Variants in CEACAM4 observed in about 807,000 individuals in gnomAD.
CEACAM4 encodes the protein cell adhesion molecule CEACAM4.
In CEACAM4, 30 loss-of-function variants were observed where a neutral mutation model predicts 28.7. The ratio of observed to expected loss-of-function variants is 1.05; its 90% CI spans 0.78 to 1.42. The LOEUF (loss-of-function observed/expected upper bound fraction) is 1.42. CEACAM4 is among the 40% of genes most tolerant of loss of function. The probability of loss-of-function intolerance (pLI) is 0.00; values close to 1 mark genes in which losing one functional copy is unlikely to be tolerated. For missense variants in CEACAM4, 330 were observed against 308.2 expected (o/e 1.07, Z -0.53); for synonymous variants, 143 against 126.5 (o/e 1.13, Z -0.87).
Position 41,620,539 on chromosome 19 carries a change from T to G in CEACAM4, c.595+36A>C, listed in dbSNP as rs530605187. The G allele has an allele frequency of 9.4e-6, 15 of 1,592,324 alleles. 1 individual carries two copies. In the South Asian group the frequency reaches 1.4e-4, roughly 15 times the overall value. ...AGGAGTGGACACCGTAGGGCAGGCC[T>G]AGGGGCTCCCACACCTGGGCTGAAG... On this transcript the variant is annotated intron_variant, in intron 4 of 6. Transcript: ENST00000221954.
chr19:41,626,824 T>A (rs556803136), intron 1 of CEACAM4, 76 bp downstream of exon 1: 97 of 1,338,734 alleles, frequency 7.2e-5, no homozygotes, highest in Middle Eastern at 1.8e-4. Flanking sequence ...AAGCCCTCTA[T>A]CCCCTCCTAC....
At chr19:41,613,577 G>C in the CEACAM4 span, among the ~76,000 whole-genome samples, 1 of 151,942 alleles carries the variant, frequency 6.6e-6, no homozygotes, top group Non-Finnish European at 1.5e-5. Flanking sequence ...AGGACAGAGG[G>C]GGAACCCATG....
chr19:41,617,279 G>A (rs1486937599), downstream of CEACAM4, among the ~76,000 whole-genome samples: 3 of 152,152 alleles, frequency 2.0e-5, no homozygotes, highest in African/African-American at 4.8e-5. Flanking sequence ...GGTACTAGGG[G>A]CATGGAGAGC....
At chr19:41,615,649 C>G (rs1434073186), downstream of CEACAM4, among the ~76,000 whole-genome samples, 1 of 152,050 alleles carries the variant, frequency 6.6e-6, no homozygotes, top group Non-Finnish European at 1.5e-5. Context: ...AGGAGCCATG[C>G]CTATTTCCAG....
At chr19:41,618,758 T>C (rs556406818), downstream of CEACAM4, among the ~76,000 whole-genome samples, 44 of 152,290 alleles carry the variant, frequency 2.9e-4, no homozygotes, top group African/African-American at 9.4e-4. Context: ...AGGCTGGGGC[T>C]GTGCATGGCC....
At chr19:41,613,832 G>A in the CEACAM4 span, among the ~76,000 whole-genome samples, 1 of 152,170 alleles carries the variant, frequency 6.6e-6, no homozygotes, top group Admixed American at 6.5e-5. Context: ...GGAACTGGAA[G>A]GAGGTGGAGA....
intron 1 of CEACAM4, 51 bp downstream of exon 1, chr19:41,626,849 T>C: frequency 1.3e-6 from 2 of 1,527,044 alleles, no homozygotes; most frequent in East Asian, 2.3e-5. Flanking sequence ...GAGACCCCAG[T>C]CAGTCTCTGT....
chr19:41,615,108 T>C (rs2070969871), downstream of CEACAM4, among the ~76,000 whole-genome samples: 1 of 151,740 alleles, frequency 6.6e-6, no homozygotes, highest in South Asian at 2.1e-4. Context: ...GAGCAGTGGA[T>C]CTAGGGGAGA....
chr19:41,613,468 T>A, the CEACAM4 span, among the ~76,000 whole-genome samples: 15 of 151,252 alleles, frequency 9.9e-5, no homozygotes, highest in African/African-American at 3.4e-4. Context: ...TACTTACAGG[T>A]CCTGGGGGAT....
chr19:41,621,608 G>A, intron 3 of CEACAM4, 43 bp downstream of exon 3: 1 of 1,121,248 alleles, frequency 8.9e-7, no homozygotes. Flanking sequence ...CCTGACTGGG[G>A]TCAGCCTAGG....
chr19:41,619,360 C>G lies in CEACAM4; in HGVS notation c.705G>C (p.Gln235His). The G allele has an allele frequency of 6.2e-7, 1 of 1,614,110 alleles. No individual in the cohort carries two copies. Among genetic ancestry groups the G allele is most frequent in the African/African-American group, 1.3e-5 (1 of 75,050 alleles). The change falls in exon 7 of 7, where the codon CAG (glutamine) becomes CAC (histidine). Residue 235 changes from glutamine (Q) to histidine (H), a missense_variant. Coordinates refer to ENST00000221954, the MANE Select transcript of CEACAM4 (RefSeq NM_001817.4). ...AGACCACATCTGCTTTGTGGTCGAT[C>G]TGGCAGTAAATGTTTGCATCAGAGT... The part of the protein sequence containing the change: ...LLYSDANIYC[Q>H]IDHKADVVS
downstream of CEACAM4, among the ~76,000 whole-genome samples, chr19:41,616,283 C>T (rs1568638756): frequency 1.3e-5 from 2 of 152,148 alleles, no homozygotes; most frequent in African/African-American, 4.8e-5. Flanking sequence ...CTGCCTGCCT[C>T]AGCCTCCAAA....
intron 5 of CEACAM4, 119 bp downstream of exon 5, chr19:41,620,092 A>G (rs1366395642): frequency 2.1e-6 from 2 of 952,362 alleles, no homozygotes; most frequent in Middle Eastern, 4.4e-4. Flanking sequence ...ACTCACTTTG[A>G]CCTGACTGTT....
chr19:41,626,361 C>A (rs1555804195), intron 1 of CEACAM4, among the ~76,000 whole-genome samples: 2 of 152,272 alleles, frequency 1.3e-5, no homozygotes, highest in Admixed American at 6.5e-5. Context: ...AGCACCTGAC[C>A]TCACATTCTA....
At position 41,625,990 on chromosome 19, in the gene CEACAM4, C is replaced by T. The variant is rs782638811; in HGVS notation, c.65-30G>A. On this transcript the variant is annotated intron_variant, in intron 1 of 6. Coordinates refer to ENST00000221954, the MANE Select transcript of CEACAM4 (RefSeq NM_001817.4). Reference sequence around the variant, plus strand: ...GAGGTGAAGACAGCATCAGTCAATACTGGGACCTATGGAGTGGGATGGAAA... The same window carrying T: ...GAGGTGAAGACAGCATCAGTCAATATTGGGACCTATGGAGTGGGATGGAAA... The T allele has an allele frequency of 9.5e-6, 15 of 1,580,918 alleles. 1 individual carries two copies. The highest frequency in any genetic ancestry group is 3.5e-4 in the Middle Eastern group (2 of 5,790).
At chr19:41,622,012 G>A (rs1286809263) in intron 2 of CEACAM4, among the ~76,000 whole-genome samples, 2 of 151,996 alleles carry the variant, frequency 1.3e-5, no homozygotes, top group Non-Finnish European at 2.9e-5. Context: ...CTTGCACCTC[G>A]CCCTGCTCCT....
rs1555800608 is a variant in CEACAM4, at chr19:41,620,205, G to T, written c.627+6C>A. 4.0e-6 allele frequency: 6 copies of T among 1,493,480 alleles called. No homozygotes were observed. The highest frequency in any genetic ancestry group is 2.5e-5 in the East Asian group (1 of 39,616). 92.5% of individuals were successfully genotyped at this position (1,493,480 alleles called of 1,614,324 possible). ...TAGAAAAGGGCTGGGGAGGGAACAG[G>T]CTTACCGAGAAGGTGGATCTGTGAG... On this transcript the variant is annotated splice_donor_region_variant and intron_variant, in intron 5 of 6. Coordinates refer to ENST00000221954, the MANE Select transcript of CEACAM4 (RefSeq NM_001817.4).
At chr19:41,615,275 G>A (rs1555798690), downstream of CEACAM4, among the ~76,000 whole-genome samples, 3 of 152,000 alleles carry the variant, frequency 2.0e-5, no homozygotes, top group African/African-American at 7.3e-5. Context: ...TCTCCATGTA[G>A]CATGTCAGTA....
At position 41,619,151 on chromosome 19, in the gene CEACAM4, C is replaced by T. The variant is rs2071093660; in HGVS notation, c.*179G>A. 3.3e-6 allele frequency: 2 copies of T among 604,580 alleles called. No individual in the cohort carries two copies. Among genetic ancestry groups the T allele is most frequent in the Non-Finnish European group, 5.8e-6 (2 of 342,140 alleles). The allele number at this position is 604,580 out of a possible 1,614,324, so 37.5% of individuals were successfully genotyped here. A position where few individuals can be genotyped will look rare whatever the true frequency, so the allele number is the denominator to read the frequency against. On this transcript the variant is annotated 3_prime_UTR_variant, in exon 7 of 7. Transcript: ENST00000221954. ...GTCCCGGCCCACCCAGAGCCCAGGG[C>T]AACCTGTCAGGGTCTCCAGATATTC...
Sources: allele counts gnomAD v4.1 joint callset (sites outside exome capture counted in the v4.1 genomes callset), GRCh38; gene constraint gnomAD v4.1.1; transcripts MANE v1.5; gene names NCBI Gene and HGNC (gene_info 2026-07-23, HGNC 2026-07-21).